SNX18: variants seen among roughly 807,000 people sequenced by gnomAD.
The protein encoded by SNX18 is sorting nexin-18.
A neutral mutation model predicts 48.7 loss-of-function variants in SNX18; 35 were observed. That is an observed-to-expected ratio of 0.72 (90% CI 0.55 to 0.95). The LOEUF (loss-of-function observed/expected upper bound fraction) is 0.95. SNX18 is among the 40% of genes least tolerant of loss of function. The pLI is 0.00. For synonymous variants in SNX18, 492 were observed against 384.7 expected (o/e 1.28, Z -3.26); for missense variants, 824 against 871.0 (o/e 0.95, Z 0.68).
the SNX18 span, among the ~76,000 whole-genome samples, chr5:54,577,755 T>G: frequency 1.3e-5 from 2 of 152,194 alleles, no homozygotes; most frequent in Non-Finnish European, 2.9e-5. Context: ...GCTGAAGCTC[T>G]GGAAAGGACA....
intron 1 of SNX18, among the ~76,000 whole-genome samples, chr5:54,528,778 G>C (rs1762194431): frequency 6.6e-6 from 1 of 152,172 alleles, no homozygotes; most frequent in Non-Finnish European, 1.5e-5. Flanking sequence ...AGTCTAAGAA[G>C]AGTTTTGAAA....
chr5:54,536,999 C>T (rs1762369548), intron 1 of SNX18, among the ~76,000 whole-genome samples: 1 of 152,162 alleles, frequency 6.6e-6, no homozygotes, highest in Non-Finnish European at 1.5e-5. Flanking sequence ...AACATTTCTT[C>T]ATGTGTCTGT....
At chr5:54,602,160 G>T in the SNX18 span, among the ~76,000 whole-genome samples, 1 of 152,178 alleles carries the variant, frequency 6.6e-6, no homozygotes, top group Non-Finnish European at 1.5e-5. Flanking sequence ...AGTGTTAGGA[G>T]ATTTTTAAGT....
the SNX18 span, among the ~76,000 whole-genome samples, chr5:54,594,908 A>G: frequency 2.0e-5 from 3 of 152,198 alleles, no homozygotes; most frequent in Admixed American, 2.0e-4. Flanking sequence ...TCCGTCTTAT[A>G]AATGAGCACA....
chr5:54,600,848 G>C, the SNX18 span, among the ~76,000 whole-genome samples: 2 of 152,242 alleles, frequency 1.3e-5, no homozygotes, highest in Admixed American at 1.3e-4. Flanking sequence ...TGGAGGGAGA[G>C]AGAGTATTAG....
the SNX18 span, among the ~76,000 whole-genome samples, chr5:54,581,227 G>A: frequency 6.6e-6 from 1 of 152,132 alleles, no homozygotes; most frequent in African/African-American, 2.4e-5. Flanking sequence ...AACATGAACA[G>A]ATCCTGAATA....
intron 1 of SNX18, among the ~76,000 whole-genome samples, chr5:54,532,319 C>CTTTTTTTTTTTTTT (rs57856245): frequency 1.5e-5 from 2 of 130,992 alleles, no homozygotes; most frequent in Non-Finnish European, 1.6e-5. Context: ...TTTTTTTTTT[C>CTTTTTTTTTTTTTT]TTTTTTTTTT....
At chr5:54,555,777 A>G in the SNX18 span, among the ~76,000 whole-genome samples, 1 of 151,772 alleles carries the variant, frequency 6.6e-6, no homozygotes. Flanking sequence ...CAGTGAGCCA[A>G]GAGTGTACCA....
At chr5:54,600,195 A>C in the SNX18 span, among the ~76,000 whole-genome samples, 2 of 152,160 alleles carry the variant, frequency 1.3e-5, no homozygotes, top group Non-Finnish European at 2.9e-5. Context: ...TCAAAAGAAG[A>C]ATTCATGCAG....
the SNX18 span, among the ~76,000 whole-genome samples, chr5:54,588,493 A>G: frequency 1.3e-5 from 2 of 151,320 alleles, no homozygotes; most frequent in African/African-American, 4.9e-5. Context: ...ACGCCTAACT[A>G]ATTTTTTGTA....
chr5:54,634,082 A>G, the SNX18 span, among the ~76,000 whole-genome samples: 52 of 152,318 alleles, frequency 3.4e-4, no homozygotes, highest in Non-Finnish European at 1.3e-4. Flanking sequence ...TCAATACTTA[A>G]TATCTTAAGG....
At chr5:54,646,390 C>T in the SNX18 span, among the ~76,000 whole-genome samples, 1 of 152,218 alleles carries the variant, frequency 6.6e-6, no homozygotes, top group African/African-American at 2.4e-5. Flanking sequence ...AACAGAAAGA[C>T]TCAGCTTGCC....
At chr5:54,642,742 C>T in the SNX18 span, among the ~76,000 whole-genome samples, 184 of 152,304 alleles carry the variant, frequency 1.2e-3, no homozygotes, top group African/African-American at 4.2e-3. Flanking sequence ...TTGGTTCTCA[C>T]ACCAGGGCAG....
the SNX18 span, among the ~76,000 whole-genome samples, chr5:54,571,599 C>T: frequency 2.0e-5 from 3 of 152,224 alleles, no homozygotes; most frequent in South Asian, 6.2e-4. Context: ...GAGATCTTCA[C>T]ATTTTCCAAA....
the SNX18 span, among the ~76,000 whole-genome samples, chr5:54,616,749 A>G: frequency 6.6e-6 from 1 of 152,068 alleles, no homozygotes; most frequent in Admixed American, 6.6e-5. Flanking sequence ...AGCCTGGATG[A>G]CAGAGCAAGA....
the SNX18 span, among the ~76,000 whole-genome samples, chr5:54,562,160 G>C: frequency 6.6e-6 from 1 of 152,108 alleles, no homozygotes; most frequent in Admixed American, 6.5e-5. Context: ...AGCTCTTTGC[G>C]GGCGGGCACA....
At chr5:54,610,140 C>G in the SNX18 span, among the ~76,000 whole-genome samples, 2 of 152,166 alleles carry the variant, frequency 1.3e-5, no homozygotes, top group Non-Finnish European at 2.9e-5. Context: ...GCAAATGAAA[C>G]CTCTTTTCTT....
the SNX18 span, among the ~76,000 whole-genome samples, chr5:54,647,520 G>A: frequency 1.3e-5 from 2 of 152,312 alleles, no homozygotes; most frequent in East Asian, 1.9e-4. Flanking sequence ...ACATAGCCTG[G>A]CATGGTTTGG....
At chr5:54,638,527 T>C in the SNX18 span, among the ~76,000 whole-genome samples, 1 of 98,088 alleles carries the variant, frequency 1.0e-5, no homozygotes, top group Non-Finnish European at 2.0e-5. Flanking sequence ...AGAATTTTTA[T>C]TTTAAGAGGG....
Sources: allele counts gnomAD v4.1 joint callset (sites outside exome capture counted in the v4.1 genomes callset), GRCh38; gene constraint gnomAD v4.1.1; transcripts MANE v1.5; gene names NCBI Gene and HGNC (gene_info 2026-07-23, HGNC 2026-07-21).